The following KAT6A variants were observed in gnomAD, a reference collection of about 807,000 sequenced individuals.
KAT6A encodes histone acetyltransferase KAT6A.
Under a neutral mutation model 198.4 loss-of-function variants are expected in KAT6A, and 9 were observed. That is an observed-to-expected ratio of 0.05 (90% CI 0.03 to 0.08). The LOEUF (loss-of-function observed/expected upper bound fraction) is 0.08, where lower values mean the gene tolerates loss of function less well. Among genes scored for constraint, KAT6A ranks in the 10% least tolerant of loss-of-function variants. The pLI, the probability that KAT6A is intolerant of heterozygous loss-of-function variation, is 1.00. For missense variants in KAT6A, 2,077 were observed against 2,509.9 expected (o/e 0.83, Z 3.69); for synonymous variants, 890 against 883.0 (o/e 1.01, Z -0.14).
intron 2 of KAT6A, among the ~76,000 whole-genome samples, chr8:42,037,535 T>A (rs190619530): frequency 1.1e-4 from 16 of 152,252 alleles, no homozygotes; most frequent in African/African-American, 3.9e-4. Flanking sequence ...AACCAACACT[T>A]AGCAGCTCTT....
At chr8:41,950,854 GATAA>G (rs1822633654) in intron 9 of KAT6A, among the ~76,000 whole-genome samples, 1 of 151,740 alleles carries the variant, frequency 6.6e-6, no homozygotes, top group Admixed American at 6.6e-5. Flanking sequence ...TGTTGTACAT[GATAA>G]ATATATACAA....
chr8:41,964,176 G>A (rs1823343798), intron 8 of KAT6A, among the ~76,000 whole-genome samples: 3 of 152,086 alleles, frequency 2.0e-5, no homozygotes, highest in African/African-American at 7.2e-5. Context: ...TATTGACTCT[G>A]AAACTTAACA....
chr8:42,012,392 A>G, intron 2 of KAT6A, among the ~76,000 whole-genome samples: 1 of 152,200 alleles, frequency 6.6e-6, no homozygotes, highest in East Asian at 1.9e-4. Context: ...AAGAATTTTG[A>G]GATGGGGGGG....
intron 8 of KAT6A, chr8:41,957,030 A>C (rs768304861): frequency 3.5e-6 from 2 of 568,928 alleles, no homozygotes; most frequent in South Asian, 1.4e-5. Context: ...TAGAAAGCCC[A>C]AAAGCTGAAG....
chr8:41,955,922 A>G (rs1822896657), intron 8 of KAT6A, among the ~76,000 whole-genome samples: 1 of 152,198 alleles, frequency 6.6e-6, no homozygotes, highest in African/African-American at 2.4e-5. Context: ...ATCTGACAAA[A>G]CAAGTATCAA....
Position 41,996,766 on chromosome 8 carries a change from A to G in KAT6A, c.601-9203T>C, listed in dbSNP as rs536942217. On this transcript the variant is annotated intron_variant, in intron 2 of 16. Transcript: ENST00000265713. ...CTTGATCTTAGACTTCTCAGTCTCC[A>G]AAACTATGAACCAAATAAACATATT... Among the ~76,000 whole-genome samples the G allele has an allele frequency of 6.6e-5, 10 of 152,348 alleles. No homozygotes were observed. In the South Asian group the frequency reaches 2.1e-3, roughly 32 times the overall value.
chr8:42,042,443 CAAA>C (rs113300128), intron 2 of KAT6A, among the ~76,000 whole-genome samples: 3 of 115,742 alleles, frequency 2.6e-5, no homozygotes, highest in African/African-American at 3.2e-5. Context: ...CTCCATCTCT[CAAA>C]AAAAAAAAAA....
intron 2 of KAT6A, among the ~76,000 whole-genome samples, chr8:42,021,079 T>C (rs1457870824): frequency 6.6e-6 from 1 of 152,098 alleles, no homozygotes; most frequent in Non-Finnish European, 1.5e-5. Flanking sequence ...TACTGTTACT[T>C]CCAAATAGGG....
intron 8 of KAT6A, among the ~76,000 whole-genome samples, chr8:41,970,362 G>A (rs1236346823): frequency 6.6e-6 from 1 of 152,080 alleles, no homozygotes; most frequent in African/African-American, 2.4e-5. Flanking sequence ...AGAAACATAG[G>A]ATTAGCCCGA....
At chr8:42,011,919 A>T (rs1826040458) in intron 2 of KAT6A, among the ~76,000 whole-genome samples, 1 of 152,046 alleles carries the variant, frequency 6.6e-6, no homozygotes, top group South Asian at 2.1e-4. Context: ...AAGAATAACA[A>T]AGAGGAAATC....
Position 41,934,120 on chromosome 8 carries a change from TCTTTATC to T in KAT6A, c.4093_4099del (p.Asp1365ArgfsTer40). 1 of 1,614,148 alleles carries T rather than the reference TCTTTATC, an allele frequency of 6.2e-7. No individual in the cohort carries two copies. Among genetic ancestry groups the T allele is most frequent in the East Asian group, 2.2e-5 (1 of 44,876 alleles). ...CTCTTCGGAATCCAGCTCGGTTTCC[TCTTTATC>T]CTTTATCTTTTCCCTACTCTTCTGC... On this transcript the variant is annotated frameshift_variant, in exon 17 of 17. Transcript: ENST00000265713. LOFTEE classifies it high-confidence loss of function.
At chr8:42,029,576 T>G (rs1323667232) in intron 2 of KAT6A, among the ~76,000 whole-genome samples, 1 of 151,394 alleles carries the variant, frequency 6.6e-6, no homozygotes, top group Non-Finnish European at 1.5e-5. Flanking sequence ...TTTGTTTTTT[T>G]TTTTTTGAAA....
chr8:42,004,949 T>C (rs1041166497), intron 2 of KAT6A, among the ~76,000 whole-genome samples: 10 of 151,960 alleles, frequency 6.6e-5, no homozygotes, highest in African/African-American at 2.4e-4. Flanking sequence ...AAAGGCACTA[T>C]TTCTGCATAT....
At chr8:41,937,686 C>A in intron 15 of KAT6A, 118 bp from the exon 16 acceptor site, 6 of 715,924 alleles carry the variant, frequency 8.4e-6, no homozygotes, top group Non-Finnish European at 1.3e-5. Context: ...ATGTTGTTTG[C>A]CAAAAAATAT....
intron 2 of KAT6A, among the ~76,000 whole-genome samples, chr8:41,994,623 CCTG>C (rs1423909408): frequency 6.6e-6 from 1 of 152,074 alleles, no homozygotes; most frequent in East Asian, 1.9e-4. Context: ...AAGTTCCTTC[CCTG>C]CTTTGTTTTT....
chr8:41,974,480 T>C (rs976912703), intron 8 of KAT6A: 1 of 363,348 alleles, frequency 2.8e-6, no homozygotes, highest in African/African-American at 2.1e-5. Flanking sequence ...ACCAAGCTTA[T>C]TTAATATTGA....
intron 15 of KAT6A, among the ~76,000 whole-genome samples, chr8:41,938,720 T>G (rs906848470): frequency 2.0e-5 from 3 of 151,960 alleles, no homozygotes; most frequent in Non-Finnish European, 2.9e-5. Context: ...CCAAGGCAGG[T>G]GGACCGCCCA....
chr8:41,965,866 C>A lies in KAT6A; in HGVS notation c.1482+8838G>T, dbSNP rs557964646. ...GTTAAGTGATGTCTCCTTGATGCTG[C>A]TGAAAGTAGGAATGGTAGGTGGGGC... On this transcript the variant is annotated intron_variant, in intron 8 of 16. Transcript: ENST00000265713. Among the ~76,000 whole-genome samples the A allele has an allele frequency of 5.9e-5, 9 of 152,212 alleles. No homozygotes were observed. In the East Asian group the frequency reaches 1.7e-3, roughly 29 times the overall value.
At chr8:41,971,228 A>T (rs1243574611) in intron 8 of KAT6A, among the ~76,000 whole-genome samples, 11 of 53,898 alleles carry the variant, frequency 2.0e-4, no homozygotes, top group South Asian at 5.4e-4. Flanking sequence ...GTATAATTTA[A>T]AAAAAAAAAA....
Sources: allele counts gnomAD v4.1 joint callset (sites outside exome capture counted in the v4.1 genomes callset), GRCh38; gene constraint gnomAD v4.1.1; transcripts MANE v1.5; gene names NCBI Gene and HGNC (gene_info 2026-07-23, HGNC 2026-07-21).